Variants in OSBPL10 observed in about 807,000 individuals in gnomAD.
The protein encoded by OSBPL10 is oxysterol binding protein like 10.
In OSBPL10, 49 loss-of-function variants were observed where a neutral mutation model predicts 81.7. That is an observed-to-expected ratio of 0.60 (90% CI 0.48 to 0.76). The LOEUF (loss-of-function observed/expected upper bound fraction) is 0.76. OSBPL10 is among the 30% of genes least tolerant of loss of function. The pLI, the probability that OSBPL10 is intolerant of heterozygous loss-of-function variation, is 0.00. For synonymous variants in OSBPL10, 419 were observed against 383.6 expected, an observed-to-expected ratio of 1.09 and a Z score of -1.08; for missense variants, 923 against 987.8, an observed-to-expected ratio of 0.93 and a Z score of 0.88.
rs907424210 is a variant in OSBPL10 at position 31,895,950 on chromosome 3, A to T, written c.282-16120T>A. On this transcript the variant is annotated intron_variant, in intron 1 of 11. Coordinates refer to ENST00000396556, the MANE Select transcript of OSBPL10 (RefSeq NM_017784.5). ...TCCCTGTTTCAGCAATGCACTCAGT[A>T]ATTGCTGAGAATAGTTCAACACTGC... 2.6e-5 allele frequency among the ~76,000 whole-genome samples: 4 copies of T among 152,208 alleles called. No homozygotes were observed. The East Asian group carries it at 5.8e-4, about 22-fold the overall frequency.
chr3:31,817,599 C>A (rs964558045), intron 4 of OSBPL10, among the ~76,000 whole-genome samples: 2 of 152,104 alleles, frequency 1.3e-5, no homozygotes, highest in Admixed American at 6.5e-5. Context: ...CTGCTCCCAG[C>A]CCCGTCTAAG....
chr3:31,767,107 G>A (rs1435321535), intron 4 of OSBPL10, among the ~76,000 whole-genome samples: 1 of 152,216 alleles, frequency 6.6e-6, no homozygotes, highest in Non-Finnish European at 1.5e-5. Flanking sequence ...TATCAGGTCT[G>A]GAGGGCTATA....
At chr3:31,982,504 C>A (rs1024329405), upstream of OSBPL10, among the ~76,000 whole-genome samples, 1 of 152,128 alleles carries the variant, frequency 6.6e-6, no homozygotes, top group Non-Finnish European at 1.5e-5. Flanking sequence ...GACAGTTCCC[C>A]GAGCCCAACC....
chr3:32,032,429 T>C (rs1273115462), intron 2 of OSBPL10, among the ~76,000 whole-genome samples: 1 of 151,680 alleles, frequency 6.6e-6, no homozygotes, highest in African/African-American at 2.4e-5. Flanking sequence ...AATTAACTAA[T>C]TAATTAAAAA....
At chr3:32,072,030 C>T (rs1166643722) in intron 1 of OSBPL10, among the ~76,000 whole-genome samples, 2 of 152,076 alleles carry the variant, frequency 1.3e-5, no homozygotes, top group African/African-American at 4.8e-5. Context: ...TACCACTCTG[C>T]CCCCCTCTAC....
chr3:31,980,832 C>A, intron 1 of OSBPL10, 67 bp downstream of exon 1: 1 of 1,424,910 alleles, frequency 7.0e-7, no homozygotes, highest in Non-Finnish European at 9.1e-7. Context: ...CACACATACA[C>A]ACACGCACGC....
intron 2 of OSBPL10, among the ~76,000 whole-genome samples, chr3:32,042,211 T>A (rs923735787): frequency 2.0e-4 from 30 of 152,206 alleles, no homozygotes; most frequent in African/African-American, 6.5e-4. Context: ...TCACCTCCCA[T>A]CTGTGGGGTC....
chr3:31,846,823 G>A (rs1462961523), intron 3 of OSBPL10, among the ~76,000 whole-genome samples: 1 of 151,958 alleles, frequency 6.6e-6, no homozygotes, highest in Non-Finnish European at 1.5e-5. Flanking sequence ...TTTCAAAGCT[G>A]GGATGAAAAA....
intron 6 of OSBPL10, among the ~76,000 whole-genome samples, chr3:31,705,178 G>A (rs1696018654): frequency 6.6e-6 from 1 of 152,156 alleles, no homozygotes; most frequent in South Asian, 2.1e-4. Context: ...CAAGGACCTA[G>A]GACTGTTTTC....
chr3:31,987,738 A>G lies in OSBPL10; in HGVS notation n.298+58753T>C, dbSNP rs28497143. On this transcript the variant is annotated intron_variant and non_coding_transcript_variant, in intron 2 of 3. Coordinates refer to the OSBPL10 transcript ENST00000479173. ...CCTGAAGCCTAGTCTGGGAACTGGT[A>G]TAATGTCACTTTGCCACATTTCAAC... Among the ~76,000 whole-genome samples the G allele has an allele frequency of 2.9e-3, 445 of 152,356 alleles. 2 individuals carry two copies. The highest frequency in any genetic ancestry group is 0.01 in the African/African-American group (417 of 41,596).
intron 2 of OSBPL10, among the ~76,000 whole-genome samples, chr3:32,019,325 TCTAGAGG>T (rs1227709916): frequency 6.6e-6 from 1 of 152,152 alleles, no homozygotes; most frequent in Non-Finnish European, 1.5e-5. Flanking sequence ...TGCTCCATAC[TCTAGAGG>T]CTACCCCATG....
At chr3:31,905,084 T>C (rs191413827) in intron 1 of OSBPL10, among the ~76,000 whole-genome samples, 9 of 152,294 alleles carry the variant, frequency 5.9e-5, no homozygotes, top group Admixed American at 1.3e-4. Context: ...TAAAATAGTA[T>C]CTGGCACACA....
At chr3:31,994,072 T>C (rs572418379) in intron 2 of OSBPL10, among the ~76,000 whole-genome samples, 1 of 152,356 alleles carries the variant, frequency 6.6e-6, no homozygotes, top group South Asian at 2.1e-4. Flanking sequence ...TATTGTTACA[T>C]GCAATATTGC....
intron 7 of OSBPL10, among the ~76,000 whole-genome samples, chr3:31,688,686 G>A (rs895442825): frequency 6.6e-6 from 1 of 152,178 alleles, no homozygotes; most frequent in African/African-American, 2.4e-5. Context: ...ATTCTTCTGA[G>A]TATATCCAGC....
At chr3:31,842,899 T>C (rs1049812514) in intron 3 of OSBPL10, among the ~76,000 whole-genome samples, 2 of 152,220 alleles carry the variant, frequency 1.3e-5, no homozygotes, top group African/African-American at 2.4e-5. Flanking sequence ...ATACGTTCCA[T>C]AATAGAACGC....
At chr3:31,933,142 A>G (rs1415280454) in intron 1 of OSBPL10, among the ~76,000 whole-genome samples, 1 of 152,180 alleles carries the variant, frequency 6.6e-6, no homozygotes, top group Admixed American at 6.5e-5. Context: ...ACGCATGGAG[A>G]AACTGATCAC....
intron 4 of OSBPL10, among the ~76,000 whole-genome samples, chr3:31,754,944 T>C (rs1697843747): frequency 6.6e-6 from 1 of 152,218 alleles, no homozygotes; most frequent in Non-Finnish European, 1.5e-5. Flanking sequence ...CTTTTTTTCT[T>C]TTTTAGGCTG....
chr3:32,004,078 A>C (rs1699179028), intron 2 of OSBPL10, among the ~76,000 whole-genome samples: 1 of 152,226 alleles, frequency 6.6e-6, no homozygotes, highest in Admixed American at 6.5e-5. Flanking sequence ...GACAAGCAGT[A>C]GAAAGAATTT....
chr3:31,910,705 T>C (rs1008739121), intron 1 of OSBPL10, among the ~76,000 whole-genome samples: 4 of 152,074 alleles, frequency 2.6e-5, no homozygotes, highest in African/African-American at 9.7e-5. Flanking sequence ...TCAGTTGGAC[T>C]TCTTGGCAAA....
Sources: gnomAD v4.1 joint callset for allele counts (sites outside exome capture counted in the v4.1 genomes callset) on GRCh38, gnomAD v4.1.1 for gene constraint, MANE v1.5 for transcripts, NCBI Gene and HGNC (gene_info 2026-07-23, HGNC 2026-07-21) for gene names.